NRG3: variants seen among roughly 807,000 people sequenced by gnomAD.
NRG3 encodes the protein neuregulin 3.
In NRG3, 31 loss-of-function variants were observed where a neutral mutation model predicts 66.9. The ratio of observed to expected loss-of-function variants is 0.46; its 90% CI spans 0.35 to 0.63. The LOEUF is 0.63. Among genes scored for constraint, NRG3 ranks in the 20% least tolerant of loss-of-function variants. The pLI is 0.00. For missense variants in NRG3, 910 were observed against 878.9 expected, an observed-to-expected ratio of 1.04 and a Z score of -0.45; for synonymous variants, 393 against 359.4, an observed-to-expected ratio of 1.09 and a Z score of -1.06.
chr10:82,491,124 T>C (rs191554276), intron 2 of NRG3, among the ~76,000 whole-genome samples: 1 of 151,704 alleles, frequency 6.6e-6, no homozygotes, highest in Non-Finnish European at 1.5e-5. Flanking sequence ...AATTTTGCAC[T>C]GGTTGAGTTG....
chr10:81,916,142 C>T (rs550785243), intron 1 of NRG3, among the ~76,000 whole-genome samples: 95 of 152,186 alleles, frequency 6.2e-4, no homozygotes, highest in Non-Finnish European at 1.1e-3. Context: ...TGTCTCAGTT[C>T]GGACTAGCCA....
intron 1 of NRG3, among the ~76,000 whole-genome samples, chr10:81,954,544 C>G (rs976950762): frequency 5.3e-5 from 8 of 152,130 alleles, no homozygotes; most frequent in Non-Finnish European, 8.8e-5. Context: ...TGCTTTCTCT[C>G]TCTCTCTATT....
intron 1 of NRG3, among the ~76,000 whole-genome samples, chr10:81,980,264 G>T (rs2060284943): frequency 6.6e-6 from 1 of 151,962 alleles, no homozygotes; most frequent in African/African-American, 2.4e-5. Context: ...GGAACACTTG[G>T]ATCGGAGATT....
At chr10:82,667,244 C>CA (rs1325353325) in intron 2 of NRG3, among the ~76,000 whole-genome samples, 1 of 152,122 alleles carries the variant, frequency 6.6e-6, no homozygotes, top group Non-Finnish European at 1.5e-5. Flanking sequence ...AGGTGGCACA[C>CA]AGAGATTTTT....
chr10:82,013,559 T>G (rs1242390125), intron 1 of NRG3, among the ~76,000 whole-genome samples: 1 of 152,066 alleles, frequency 6.6e-6, no homozygotes, highest in Non-Finnish European at 1.5e-5. Flanking sequence ...TTGGAGACTT[T>G]AAGTATTCAT....
chr10:82,003,850 G>A (rs1018657209), intron 1 of NRG3, among the ~76,000 whole-genome samples: 3 of 151,994 alleles, frequency 2.0e-5, no homozygotes, highest in Non-Finnish European at 4.4e-5. Context: ...AAGTTGCTGT[G>A]CCTTAAAAAT....
At chr10:82,230,027 A>G (rs1457643629) in intron 1 of NRG3, 2 of 152,212 alleles carry the variant, frequency 1.3e-5, no homozygotes, top group South Asian at 2.1e-4. Flanking sequence ...CAGCATATGC[A>G]TAAGTGGTGT....
chr10:82,186,254 T>A (rs753641110), intron 1 of NRG3, among the ~76,000 whole-genome samples: 1 of 152,152 alleles, frequency 6.6e-6, no homozygotes, highest in Non-Finnish European at 1.5e-5. Flanking sequence ...AACTTAAATC[T>A]TCACCAGTAA....
At chr10:81,954,484 C>G (rs73306543) in intron 1 of NRG3, among the ~76,000 whole-genome samples, 2,125 of 152,236 alleles carry the variant, frequency 0.014, 56 homozygotes, top group African/African-American at 0.049. Flanking sequence ...TCTCTGAACT[C>G]TATCAGAACA....
intron 1 of NRG3, among the ~76,000 whole-genome samples, chr10:82,208,779 A>G (rs975064791): frequency 6.6e-6 from 1 of 152,148 alleles, no homozygotes; most frequent in African/African-American, 2.4e-5. Flanking sequence ...AATTTAATAA[A>G]TATTACTAAA....
chr10:82,460,610 C>T (rs2091467197), intron 2 of NRG3, among the ~76,000 whole-genome samples: 1 of 152,156 alleles, frequency 6.6e-6, no homozygotes, highest in Non-Finnish European at 1.5e-5. Flanking sequence ...GGAGACAGTG[C>T]AGGCTTTCTG....
intron 2 of NRG3, among the ~76,000 whole-genome samples, chr10:82,474,260 A>G (rs1213876879): frequency 1.2e-4 from 18 of 152,076 alleles, no homozygotes; most frequent in African/African-American, 3.4e-4. Flanking sequence ...CCCCAGAAAT[A>G]GTCTCTGAAG....
intron 2 of NRG3, among the ~76,000 whole-genome samples, chr10:82,716,398 G>C (rs539789894): frequency 1.3e-5 from 2 of 152,158 alleles, no homozygotes; most frequent in South Asian, 4.2e-4. Flanking sequence ...ATGTATCTCT[G>C]AATGCAGATC....
chr10:82,410,676 T>C (rs749676975), intron 2 of NRG3, among the ~76,000 whole-genome samples: 8 of 151,978 alleles, frequency 5.3e-5, no homozygotes, highest in Non-Finnish European at 1.2e-4. Flanking sequence ...CAGTGAATTG[T>C]ATAATTTAAA....
intron 4 of NRG3, among the ~76,000 whole-genome samples, chr10:82,869,907 C>A (rs895701073): frequency 6.6e-6 from 1 of 151,512 alleles, no homozygotes. Context: ...CACACCTGGC[C>A]CCACTGGTCT....
chr10:82,075,082 C>T (rs919788539), intron 1 of NRG3, among the ~76,000 whole-genome samples: 3 of 152,038 alleles, frequency 2.0e-5, no homozygotes, highest in African/African-American at 4.8e-5. Flanking sequence ...TGATGCTTAG[C>T]GATATAAACT....
chr10:82,301,210 A>G (rs776235384), intron 1 of NRG3, among the ~76,000 whole-genome samples: 1 of 152,186 alleles, frequency 6.6e-6, no homozygotes, highest in Non-Finnish European at 1.5e-5. Flanking sequence ...GTTTTCTGAC[A>G]TGCTGCCCTA....
At chr10:82,166,223 T>G (rs181451499) in intron 1 of NRG3, among the ~76,000 whole-genome samples, 1 of 152,108 alleles carries the variant, frequency 6.6e-6, no homozygotes, top group Non-Finnish European at 1.5e-5. Flanking sequence ...GGTTTCTCCA[T>G]GTTGAGGCTG....
chr10:82,308,308 C>G (rs1379104908), intron 1 of NRG3, among the ~76,000 whole-genome samples: 1 of 152,124 alleles, frequency 6.6e-6, no homozygotes, highest in East Asian at 1.9e-4. Context: ...AGGCTGATCT[C>G]AAACTCTTCA....
Sources: gnomAD v4.1 joint callset for allele counts (sites outside exome capture counted in the v4.1 genomes callset) on GRCh38, gnomAD v4.1.1 for gene constraint, MANE v1.5 for transcripts, NCBI Gene and HGNC (gene_info 2026-07-23, HGNC 2026-07-21) for gene names.